The following VPS37A variants were observed in gnomAD, a reference collection of about 807,000 sequenced individuals.
The protein encoded by VPS37A is vacuolar protein sorting-associated protein 37A.
VPS37A carries 30 observed loss-of-function variants against 49.8 expected under a neutral mutation model. The observed-to-expected ratio is 0.60, with a 90% CI of 0.45 to 0.82. VPS37A has a LOEUF of 0.82. Among genes scored for constraint, VPS37A ranks in the 40% least tolerant of loss-of-function variants. VPS37A has a pLI of 0.00. For missense variants in VPS37A, 593 were observed against 464.4 expected, an observed-to-expected ratio of 1.28 and a Z score of -2.55; for synonymous variants, 195 against 160.6, an observed-to-expected ratio of 1.21 and a Z score of -1.62.
At chr8:17,292,914 A>G (rs1816281357) in intron 11 of VPS37A, among the ~76,000 whole-genome samples, 2 of 152,128 alleles carry the variant, frequency 1.3e-5, no homozygotes, top group South Asian at 4.1e-4. Context: ...AACCTTGGTA[A>G]ATCTGACAAT....
chr8:17,284,287 G>A (rs1815379084), intron 9 of VPS37A, among the ~76,000 whole-genome samples, 186 bp from the exon 10 acceptor site: 1 of 152,162 alleles, frequency 6.6e-6, no homozygotes, highest in Admixed American at 6.5e-5. Flanking sequence ...TCTTGAGTTA[G>A]GTGTCTACCC....
At chr8:17,254,937 G>A (rs1812303452) in intron 1 of VPS37A, among the ~76,000 whole-genome samples, 2 of 151,962 alleles carry the variant, frequency 1.3e-5, no homozygotes, top group Admixed American at 6.6e-5. Context: ...TCTTTTATTT[G>A]CAAGATTCAC....
intron 1 of VPS37A, chr8:17,248,261 CTTTTTTTTTT>C (rs77478205): frequency 3.6e-6 from 1 of 280,698 alleles, no homozygotes; most frequent in Non-Finnish European, 7.2e-6. Context: ...TCCCTAACCC[CTTTTTTTTTT>C]TTTTTTTTTG....
chr8:17,319,334 G>A, the VPS37A span, among the ~76,000 whole-genome samples: 3 of 152,176 alleles, frequency 2.0e-5, no homozygotes, highest in Non-Finnish European at 4.4e-5. Flanking sequence ...GAAGATTCCC[G>A]AAAATGGTAG....
intron 1 of VPS37A, among the ~76,000 whole-genome samples, chr8:17,255,058 AG>A (rs1457542805): frequency 6.6e-6 from 1 of 152,232 alleles, no homozygotes; most frequent in Non-Finnish European, 1.5e-5. Flanking sequence ...GCTCATTCAG[AG>A]CACAAAACAC....
intron 6 of VPS37A, among the ~76,000 whole-genome samples, chr8:17,277,533 G>A (rs1038813952): frequency 1.3e-5 from 2 of 151,784 alleles, no homozygotes; most frequent in African/African-American, 4.8e-5. Flanking sequence ...TTTCTTGGAG[G>A]GCTGTAGGTA....
intron 1 of VPS37A, among the ~76,000 whole-genome samples, chr8:17,259,271 T>C (rs1179892655): frequency 6.6e-6 from 1 of 152,162 alleles, no homozygotes; most frequent in African/African-American, 2.4e-5. Flanking sequence ...TGGTGTGTTC[T>C]ATTTCCATTT....
At chr8:17,252,451 G>T (rs997338206) in intron 1 of VPS37A, among the ~76,000 whole-genome samples, 3 of 152,136 alleles carry the variant, frequency 2.0e-5, no homozygotes, top group Admixed American at 2.0e-4. Flanking sequence ...GTGCTAGGAT[G>T]ACAGGCATGA....
downstream of VPS37A, chr8:17,300,403 T>C (rs1307078867): frequency 7.9e-6 from 5 of 633,112 alleles, no homozygotes; most frequent in African/African-American, 5.5e-5. Flanking sequence ...TGAGGCCTGC[T>C]TTATCTCTAA....
chr8:17,251,985 T>C (rs1183330754), intron 1 of VPS37A, among the ~76,000 whole-genome samples: 1 of 152,208 alleles, frequency 6.6e-6, no homozygotes, highest in African/African-American at 2.4e-5. Flanking sequence ...TCCATGCTCT[T>C]GTTTCTATAG....
At chr8:17,326,909 C>T in the VPS37A span, among the ~76,000 whole-genome samples, 33 of 152,206 alleles carry the variant, frequency 2.2e-4, no homozygotes, top group South Asian at 5.0e-3. Flanking sequence ...AGGAATATAC[C>T]GACCATAGCA....
intron 1 of VPS37A, among the ~76,000 whole-genome samples, chr8:17,252,886 CTG>C (rs1448829688): frequency 1.3e-5 from 2 of 152,222 alleles, no homozygotes; most frequent in African/African-American, 4.8e-5. Flanking sequence ...AACATTTTGA[CTG>C]TGTAAATGCA....
In VPS37A at chr8:17,268,333, T is replaced by TA. The variant is rs1286340774; in HGVS notation, c.279dup (p.Gln94ThrfsTer29). 1 of 1,613,414 alleles carries TA rather than the reference T, an allele frequency of 6.2e-7. No homozygotes were observed. The highest frequency in any genetic ancestry group is 8.5e-7 in the Non-Finnish European group (1 of 1,179,696). ...CACCAATACGACATCACTTAATGGA[T>TA]AAACAAGGAGTGTATGTTACCTCTC... On this transcript the variant is annotated frameshift_variant, in exon 3 of 12. Transcript: ENST00000324849. LOFTEE classifies it high-confidence loss of function.
At chr8:17,266,220 G>C (rs983729554) in intron 2 of VPS37A, among the ~76,000 whole-genome samples, 2 of 152,144 alleles carry the variant, frequency 1.3e-5, no homozygotes, top group Non-Finnish European at 1.5e-5. Flanking sequence ...TCTGAGTACT[G>C]TAATTGTTTT....
chr8:17,319,707 G>A, the VPS37A span, among the ~76,000 whole-genome samples: 1 of 152,194 alleles, frequency 6.6e-6, no homozygotes, highest in Non-Finnish European at 1.5e-5. Flanking sequence ...TGCAAACAGA[G>A]GCTAAGTGCT....
At chr8:17,305,728 T>G (rs1817405630), downstream of VPS37A, 1 of 1,561,434 alleles carries the variant, frequency 6.4e-7, no homozygotes, top group Non-Finnish European at 8.7e-7. Context: ...TAAATAAAAG[T>G]TAAACACCAA....
chr8:17,258,395 A>G (rs1354059313), intron 1 of VPS37A, among the ~76,000 whole-genome samples: 1 of 152,168 alleles, frequency 6.6e-6, no homozygotes, highest in African/African-American at 2.4e-5. Flanking sequence ...TGTTGAAACA[A>G]TCATTTGTTT....
At chr8:17,281,678 G>C (rs1815067048) in intron 9 of VPS37A, among the ~76,000 whole-genome samples, 1 of 151,902 alleles carries the variant, frequency 6.6e-6, no homozygotes, top group African/African-American at 2.4e-5. Flanking sequence ...ATAAAAAGAA[G>C]AAATGAAACA....
chr8:17,290,116 T>G (rs1055496656), intron 11 of VPS37A, among the ~76,000 whole-genome samples: 7 of 152,238 alleles, frequency 4.6e-5, no homozygotes, highest in Non-Finnish European at 1.0e-4. Context: ...CAGTGGGGTT[T>G]CCTAAATATA....
Sources: allele counts gnomAD v4.1 joint callset (sites outside exome capture counted in the v4.1 genomes callset), GRCh38; gene constraint gnomAD v4.1.1; transcripts MANE v1.5; gene names NCBI Gene and HGNC (gene_info 2026-07-23, HGNC 2026-07-21).